GPAT3: variants seen among roughly 807,000 people sequenced by gnomAD.
The protein encoded by GPAT3 is 1-AGP acyltransferase 9.
In GPAT3, 53 loss-of-function variants were observed where a neutral mutation model predicts 58.8. That is an observed-to-expected ratio of 0.90 (90% CI 0.72 to 1.13). The LOEUF (loss-of-function observed/expected upper bound fraction) is 1.13. GPAT3 is among the 50% of genes most tolerant of loss of function. The pLI is 0.00. For missense variants in GPAT3, 511 were observed against 527.6 expected (o/e 0.97, Z 0.31); for synonymous variants, 197 against 187.4 (o/e 1.05, Z -0.42).
intron 6 of GPAT3, among the ~76,000 whole-genome samples, chr4:83,592,096 A>C (rs924471202): frequency 6.6e-6 from 1 of 151,670 alleles, no homozygotes; most frequent in Middle Eastern, 3.4e-3. Context: ...AAACCATAAC[A>C]CTCCTTGGTC....
At position 83,552,238 on chromosome 4, in the gene GPAT3, G is replaced by A. The variant is rs115393350; in HGVS notation, c.208+7636G>A. On this transcript the variant is annotated intron_variant, in intron 2 of 11. Coordinates refer to ENST00000264409, the MANE Select transcript of GPAT3 (RefSeq NM_032717.5). ...GCAACAGTCCTGTACAATGTGAGAT[G>A]TTCAGCAGCATCTCTGGCCTCTACC... 3.0e-3 allele frequency among the ~76,000 whole-genome samples: 458 copies of A among 152,318 alleles called. 1 individual carries two copies. Among genetic ancestry groups the A allele is most frequent in the African/African-American group, 9.0e-3 (374 of 41,572 alleles).
intron 4 of GPAT3, 82 bp downstream of exon 4, chr4:83,587,411 T>G (rs1726417392): frequency 3.4e-6 from 4 of 1,187,724 alleles, no homozygotes; most frequent in Middle Eastern, 2.0e-4. Flanking sequence ...TTTGTTTGAT[T>G]CCTATGTATT....
Position 83,545,170 on chromosome 4 carries a change from G to C in GPAT3, c.208+568G>C, listed in dbSNP as rs188037895. 5.3e-4 allele frequency among the ~76,000 whole-genome samples: 80 copies of C among 152,336 alleles called. 1 individual carries two copies. Among genetic ancestry groups the C allele is most frequent in the African/African-American group, 1.9e-3 (79 of 41,572 alleles). ...AAAGAAACATGCTTGACCAGGTGCA[G>C]TGGCTCACGCCTATAATCCCAGCAC... On this transcript the variant is annotated intron_variant, in intron 2 of 11. Coordinates refer to ENST00000264409, the MANE Select transcript of GPAT3 (RefSeq NM_032717.5).
chr4:83,535,988 G>T (rs557617707), upstream of GPAT3: 2 of 985,316 alleles, frequency 2.0e-6, no homozygotes, highest in South Asian at 4.7e-5. Flanking sequence ...AACGGAGACC[G>T]CCCAGGAGGC....
chr4:83,565,272 T>G (rs1472215145), intron 2 of GPAT3, among the ~76,000 whole-genome samples: 1 of 151,846 alleles, frequency 6.6e-6, no homozygotes, highest in Admixed American at 6.6e-5. Context: ...GGCTAATTTT[T>G]GTATTTTTAG....
rs547763161 is a variant in GPAT3, at chr4:83,539,038, C to A, written c.141+2275C>A. Among the ~76,000 whole-genome samples the A allele has an allele frequency of 2.0e-5, 3 of 152,156 alleles. No individual in the cohort carries two copies. The South Asian group carries it at 6.2e-4, about 32-fold the overall frequency. On this transcript the variant is annotated intron_variant, in intron 1 of 11. Coordinates refer to ENST00000264409, the MANE Select transcript of GPAT3 (RefSeq NM_032717.5). ...GCTCATCAGGAAAGAGAGCTGTGATCCCATAGTGATTTCTGCTTTAGGTGC... is the reference window on the plus strand; with the variant it reads ...GCTCATCAGGAAAGAGAGCTGTGATACCATAGTGATTTCTGCTTTAGGTGC...
rs140655828 is a variant in GPAT3 at position 83,589,442 on chromosome 4, C to T, written c.645-757C>T. Among the ~76,000 whole-genome samples the T allele has an allele frequency of 1.5e-3, 231 of 152,246 alleles. 1 individual carries two copies. Among genetic ancestry groups the T allele is most frequent in the Non-Finnish European group, 2.8e-3 (191 of 68,024 alleles). ...GAACACAGCCGTGCTCATTCACAGC[C>T]GTGGCTGCTTTTGTGTCACAACAGC... On this transcript the variant is annotated intron_variant, in intron 5 of 11. Coordinates refer to ENST00000264409, the MANE Select transcript of GPAT3 (RefSeq NM_032717.5).
At chr4:83,560,366 G>A (rs1260771740) in intron 2 of GPAT3, among the ~76,000 whole-genome samples, 1 of 152,134 alleles carries the variant, frequency 6.6e-6, no homozygotes, top group Non-Finnish European at 1.5e-5. Context: ...AGCTTCTCTG[G>A]TGTGGTGCCC....
At chr4:83,560,417 A>T (rs1725088542) in intron 2 of GPAT3, among the ~76,000 whole-genome samples, 1 of 150,116 alleles carries the variant, frequency 6.7e-6, no homozygotes, top group Admixed American at 6.6e-5. Flanking sequence ...TTTTTGTTTG[A>T]ATTTTTTTTT....
At chr4:83,553,608 ATTAT>A (rs1461037001) in intron 2 of GPAT3, among the ~76,000 whole-genome samples, 2 of 151,922 alleles carry the variant, frequency 1.3e-5, no homozygotes, top group Non-Finnish European at 2.9e-5. Flanking sequence ...AGATTCAAAG[ATTAT>A]TTGAGGCCGG....
intron 11 of GPAT3, among the ~76,000 whole-genome samples, chr4:83,602,113 G>A (rs1002422691): frequency 6.6e-6 from 1 of 152,098 alleles, no homozygotes; most frequent in Non-Finnish European, 1.5e-5. Context: ...ATGGTCATAC[G>A]TGCAACTGGG....
chr4:83,596,779 T>C lies in GPAT3; in HGVS notation c.855-79T>C. On this transcript the variant is annotated intron_variant, in intron 7 of 11. Transcript: ENST00000264409. The stretch of plus-strand genomic sequence containing the variant: ...CCTTATTGCTTCACAATTGTGCCAG[T>C]AAAGTGCAAGGAATATCAAAAAGGA... 2.8e-6 allele frequency: 3 copies of C among 1,083,360 alleles called. No individual in the cohort carries two copies. The South Asian group carries it at 4.0e-5, about 14-fold the overall frequency. The allele number at this position is 1,083,360 out of a possible 1,614,324, so 67.1% of individuals were successfully genotyped here.
chr4:83,596,036 T>C (rs778702564), intron 7 of GPAT3, among the ~76,000 whole-genome samples: 1 of 152,202 alleles, frequency 6.6e-6, no homozygotes, highest in Non-Finnish European at 1.5e-5. Flanking sequence ...GTTGGAAATA[T>C]AGGGTTGGTT....
intron 1 of GPAT3, 76 bp from the exon 2 acceptor site, chr4:83,544,458 TTC>T (rs1724427045): frequency 7.0e-7 from 1 of 1,428,862 alleles, no homozygotes; most frequent in African/African-American, 1.4e-5. Flanking sequence ...GTAATTTCAC[TTC>T]TGTATAATCA....
In GPAT3 at chr4:83,597,553, A is replaced by G. The variant is rs190319894; in HGVS notation, c.996+38A>G. 166 of 1,294,332 alleles carry G rather than the reference A, an allele frequency of 1.3e-4. No homozygotes were observed. In the African/African-American group the frequency reaches 1.7e-3, roughly 13 times the overall value. 80.2% of individuals were successfully genotyped at this position (1,294,332 alleles called of 1,614,324 possible). A position where few individuals can be genotyped will look rare whatever the true frequency, so the allele number is the denominator to read the frequency against. On this transcript the variant is annotated intron_variant, in intron 9 of 11. Coordinates refer to ENST00000264409, the MANE Select transcript of GPAT3 (RefSeq NM_032717.5). ...CCATAATAAGAATAATAATTATTAT[A>G]AAGATATTGGATTGGTAATTTTATT...
At chr4:83,555,378 A>G (rs781755571) in intron 2 of GPAT3, among the ~76,000 whole-genome samples, 2 of 149,780 alleles carry the variant, frequency 1.3e-5, no homozygotes, top group African/African-American at 2.5e-5. Flanking sequence ...CCAAAGGGCA[A>G]TGATTAAATC....
At chr4:83,595,127 A>T in intron 7 of GPAT3, 167 bp downstream of exon 7, 1 of 562,762 alleles carries the variant, frequency 1.8e-6, no homozygotes, top group South Asian at 2.2e-5. Flanking sequence ...GATTTTTAAA[A>T]AATGTAATTC....
chr4:83,586,983 T>G (rs1199034425), intron 3 of GPAT3, among the ~76,000 whole-genome samples: 1 of 152,270 alleles, frequency 6.6e-6, no homozygotes, highest in Non-Finnish European at 1.5e-5. Flanking sequence ...ATATACAGAC[T>G]TGTTACACAT....
chr4:83,570,046 G>A (rs1725544043), intron 2 of GPAT3, among the ~76,000 whole-genome samples: 1 of 152,172 alleles, frequency 6.6e-6, no homozygotes, highest in Admixed American at 6.5e-5. Flanking sequence ...GGAAGAACTG[G>A]GGGTGGTGTT....
Sources: allele counts gnomAD v4.1 joint callset (sites outside exome capture counted in the v4.1 genomes callset), GRCh38; gene constraint gnomAD v4.1.1; transcripts MANE v1.5; gene names NCBI Gene and HGNC (gene_info 2026-07-23, HGNC 2026-07-21).